BRPF3: variants seen among roughly 807,000 people sequenced by gnomAD.
BRPF3 encodes bromodomain and PHD finger containing 3, also known as bromodomain and PHD finger-containing protein 3.
A neutral mutation model predicts 102.0 loss-of-function variants in BRPF3; 18 were observed. The observed-to-expected ratio is 0.18, with a 90% CI of 0.12 to 0.26. BRPF3 has a LOEUF of 0.26. BRPF3 is among the 10% of genes least tolerant of loss of function. The pLI, the probability that BRPF3 is intolerant of heterozygous loss-of-function variation, is 1.00. For synonymous variants in BRPF3, 570 were observed against 614.2 expected (o/e 0.93, Z 1.06); for missense variants, 1,147 against 1,567.8 (o/e 0.73, Z 4.53).
intron 3 of BRPF3, among the ~76,000 whole-genome samples, chr6:36,205,551 A>C (rs1022360347): frequency 6.6e-6 from 1 of 152,142 alleles, no homozygotes; most frequent in African/African-American, 2.4e-5. Context: ...GCCTCCCCTA[A>C]AACATCAGCT....
rs990956148 is a variant in BRPF3, at chr6:36,208,925, C to T, written c.1738-862C>T. The stretch of plus-strand genomic sequence containing the variant: ...CCACTTGCGGGGGCAAGCCTGGAGG[C>T]CCTGGTGACCCCATGCTGACCCAGA... On this transcript the variant is annotated intron_variant, in intron 4 of 12. Transcript: ENST00000357641. 1.7e-4 allele frequency among the ~76,000 whole-genome samples: 26 copies of T among 152,182 alleles called. 1 individual carries two copies. Among genetic ancestry groups the T allele is most frequent in the Admixed American group, 1.4e-3 (22 of 15,286 alleles).
At chr6:36,229,526 C>T (rs906308276) in intron 12 of BRPF3, among the ~76,000 whole-genome samples, 18 of 152,182 alleles carry the variant, frequency 1.2e-4, no homozygotes, top group African/African-American at 4.3e-4. Context: ...TAGAGAGGGA[C>T]TCAGATGAGA....
chr6:36,230,597 C>T lies in BRPF3; in HGVS notation c.3606C>T (p.Ser1202=), dbSNP rs777347017. The T allele has an allele frequency of 6.2e-7, 1 of 1,612,208 alleles. No individual in the cohort carries two copies. Among genetic ancestry groups the T allele is most frequent in the East Asian group, 2.2e-5 (1 of 44,830 alleles). ...GGGGGCCCCACTCCTTCGTCACTTCCAGCTACCTGTAAGGGCAGGGCTGGG... is the reference window on the plus strand; with the variant it reads ...GGGGGCCCCACTCCTTCGTCACTTCTAGCTACCTGTAAGGGCAGGGCTGGG... ...RVRGPHSFVT[S]SYL is the part of the protein sequence containing the mutation. Residue 1202 remains serine (S), a synonymous_variant, in exon 13 of 13, where the codon TCC becomes TCT. Transcript: ENST00000357641. The surrounding 1 kb of genome is among the most constrained non-coding windows in gnomAD (Gnocchi z 5.4).
chr6:36,200,321 C>T lies in BRPF3; in HGVS notation c.-2C>T, dbSNP rs540433573. 6 of 1,611,782 alleles carry T rather than the reference C, an allele frequency of 3.7e-6. No homozygotes were observed. In the East Asian group the frequency reaches 1.3e-4, roughly 36 times the overall value. On this transcript the variant is annotated 5_prime_UTR_variant, in exon 2 of 13. Transcript: ENST00000357641. This position sits in a 1 kb window ranked among gnomAD's most constrained non-coding sequence, Gnocchi z 5.3. Reference sequence around the variant, plus strand: ...GGCCTGTCCCCTCAGTTCCCAGGTGCCATGAGGAAGCCTCGTCGGAAGTCC... The same window carrying T: ...GGCCTGTCCCCTCAGTTCCCAGGTGTCATGAGGAAGCCTCGTCGGAAGTCC...
chr6:36,201,615 G>A lies in BRPF3; in HGVS notation c.1293G>A (p.Gln431=). Residue 431 remains glutamine (Q), a synonymous_variant, in exon 2 of 13, where the codon CAG becomes CAA. Transcript: ENST00000357641. This position sits in a 1 kb window ranked among gnomAD's most constrained non-coding sequence, Gnocchi z 5.1. The part of the protein sequence containing the change: ...EEEEEVEEEE[Q]EAQGGVSGSL... ...AGGAAGAGGTGGAGGAAGAAGAGCA[G>A]GAAGCTCAAGGCGGGGTGAGTGGCT... is the stretch of plus-strand genomic sequence containing the variant. The A allele has an allele frequency of 6.2e-7, 1 of 1,614,152 alleles. No individual in the cohort carries two copies. The highest frequency in any genetic ancestry group is 8.5e-7 in the Non-Finnish European group (1 of 1,179,972).
At chr6:36,202,797 A>G (rs987882535) in intron 2 of BRPF3, among the ~76,000 whole-genome samples, 6 of 152,184 alleles carry the variant, frequency 3.9e-5, no homozygotes, top group Non-Finnish European at 8.8e-5. Context: ...ACCCTATACC[A>G]CAAGAGCTGG....
intron 1 of BRPF3, chr6:36,197,219 G>A (rs1177478932): frequency 7.1e-6 from 1 of 140,960 alleles, no homozygotes; most frequent in Non-Finnish European, 1.5e-5. Context: ...CCTGGATTCC[G>A]AGCCGCTAAG....
chr6:36,219,724 A>C (rs546860489), intron 9 of BRPF3, among the ~76,000 whole-genome samples: 1 of 152,350 alleles, frequency 6.6e-6, no homozygotes, highest in Non-Finnish European at 1.5e-5. Context: ...AAAGGCTTCA[A>C]CTGCAAGGGT....
At chr6:36,211,790 T>G (rs1022779826) in intron 7 of BRPF3, among the ~76,000 whole-genome samples, 1 of 152,228 alleles carries the variant, frequency 6.6e-6, no homozygotes, top group Non-Finnish European at 1.5e-5. Flanking sequence ...GGCTGTTATA[T>G]TGGAGTGGGC....
chr6:36,203,608 G>A, intron 2 of BRPF3, among the ~76,000 whole-genome samples: 1 of 152,228 alleles, frequency 6.6e-6, no homozygotes, highest in East Asian at 1.9e-4. Flanking sequence ...GTGGAGAGGA[G>A]CAAGGCCTAG....
Position 36,210,170 on chromosome 6 carries a change from T to G in BRPF3, c.1867-46T>G. ...AGTATTGGTGAAGGGTGTGTCTGTT[T>G]GGCTAGTAAATGGTTGTTGTAATTG... On this transcript the variant is annotated intron_variant, in intron 5 of 12. Coordinates refer to ENST00000357641, the MANE Select transcript of BRPF3 (RefSeq NM_015695.3). This position sits in a 1 kb window ranked among gnomAD's most constrained non-coding sequence, Gnocchi z 4.7. 1 of 1,600,522 alleles carries G rather than the reference T, an allele frequency of 6.2e-7. No individual in the cohort carries two copies. Among genetic ancestry groups the G allele is most frequent in the Non-Finnish European group, 8.6e-7 (1 of 1,167,854 alleles).
chr6:36,204,497 A>C, intron 2 of BRPF3, 161 bp from the exon 3 acceptor site: 1 of 739,796 alleles, frequency 1.4e-6, no homozygotes, highest in Non-Finnish European at 2.3e-6. Flanking sequence ...GCTTAACTTT[A>C]CTGTCCTTTT....
At chr6:36,227,786 G>C (rs1488510799) in intron 11 of BRPF3, among the ~76,000 whole-genome samples, 3 of 152,170 alleles carry the variant, frequency 2.0e-5, no homozygotes, top group Non-Finnish European at 4.4e-5. Flanking sequence ...CCTGGTGGGT[G>C]GGGTAAGGTG....
rs1373433164 is a variant in BRPF3, at chr6:36,230,537, C to G, written c.3546C>G (p.Ala1182=). The change falls in exon 13 of 13, where the codon GCC becomes GCG. Residue 1182 remains alanine, a synonymous_variant. Transcript: ENST00000357641. The surrounding 1 kb of genome is among the most constrained non-coding windows in gnomAD (Gnocchi z 5.4). ...GCATCCGCAAGTCAGTGCAGGTGGC[C>G]TATGACCGTGCGATGATCCACCTGA... ...KTSIRKSVQV[A]YDRAMIHLSR... is the part of the protein sequence containing the mutation. 6.2e-7 allele frequency: 1 copy of G among 1,614,088 alleles called. No homozygotes were observed. Among genetic ancestry groups the G allele is most frequent in the Non-Finnish European group, 8.5e-7 (1 of 1,180,036 alleles).
rs1292348618 is a variant in BRPF3, at chr6:36,211,512, G to C, written c.2434G>C (p.Val812Leu). Residue 812 changes from valine to leucine, a missense_variant, in exon 7 of 13, where the codon GTG (valine) becomes CTG (leucine). Around this residue, in one of 11 missense-constraint regions of BRPF3, gnomAD observed 379 missense variants for 426.3 expected, o/e 0.89. Coordinates refer to ENST00000357641, the MANE Select transcript of BRPF3 (RefSeq NM_015695.3). ...LPAGPQGDAA[V>L]LEQALQEEPE... ...AGCAGGGCCCCAGGGGGATGCAGCT[G>C]TGCTGGAGCAGGCCTTGCAGGAGGA... The C allele has an allele frequency of 1.9e-6, 3 of 1,562,656 alleles. No homozygotes were observed. The highest frequency in any genetic ancestry group is 1.2e-5 in the South Asian group (1 of 85,492).
chr6:36,214,269 G>A lies in BRPF3; in HGVS notation c.2872G>A (p.Gly958Ser). 2 of 1,613,550 alleles carry A rather than the reference G, an allele frequency of 1.2e-6. No individual in the cohort carries two copies. The highest frequency in any genetic ancestry group is 1.7e-6 in the Non-Finnish European group (2 of 1,179,956). Reference sequence around the variant, plus strand: ...GAATGGCGAGGACCATGGTGTGGCAGGCTCTCCTGCCTCTCCAGCCAGCAT... The same window carrying A: ...GAATGGCGAGGACCATGGTGTGGCAAGCTCTCCTGCCTCTCCAGCCAGCAT... ...LENGEDHGVA[G>S]SPASPASIEE... Residue 958 changes from glycine to serine, a missense_variant, in exon 8 of 13, where the codon GGC becomes AGC. Around this residue, in one of 11 missense-constraint regions of BRPF3, gnomAD observed 379 missense variants for 426.3 expected, o/e 0.89. Coordinates refer to ENST00000357641, the MANE Select transcript of BRPF3 (RefSeq NM_015695.3).
chr6:36,200,676 C>T lies in BRPF3; in HGVS notation c.354C>T (p.Ser118=), dbSNP rs1767665658. The part of the protein sequence containing the change: ...SGTSFHLPQP[S]FRMVDSGIQP... ...CTTCCTTCCACCTCCCACAGCCCAG[C>T]TTCCGTATGGTGGACTCAGGCATCC... The change falls in exon 2 of 13, where the codon AGC becomes AGT. Residue 118 remains serine, a synonymous_variant. Transcript: ENST00000357641. This position sits in a 1 kb window ranked among gnomAD's most constrained non-coding sequence, Gnocchi z 5.3. 1.2e-6 allele frequency: 2 copies of T among 1,614,072 alleles called. No homozygotes were observed. Among genetic ancestry groups the T allele is most frequent in the South Asian group, 1.1e-5 (1 of 91,086 alleles).
At position 36,201,027 on chromosome 6, in the gene BRPF3, C is replaced by T; in HGVS notation, c.705C>T (p.Cys235=). ...ATGTTATTCTCTTCTGTGACATCTG[C>T]AACCTGGCTGTACACCAGGAGTGCT... is the stretch of plus-strand genomic sequence containing the variant. ...NSNVILFCDI[C]NLAVHQECYG... is the part of the protein sequence containing the mutation. The change falls in exon 2 of 13, where the codon TGC becomes TGT. Residue 235 remains cysteine (C), a synonymous_variant. Coordinates refer to ENST00000357641, the MANE Select transcript of BRPF3 (RefSeq NM_015695.3). The surrounding 1 kb of genome is among the most constrained non-coding windows in gnomAD (Gnocchi z 5.1). 1 of 1,614,160 alleles carries T rather than the reference C, an allele frequency of 6.2e-7. No homozygotes were observed. Among genetic ancestry groups the T allele is most frequent in the Non-Finnish European group, 8.5e-7 (1 of 1,180,036 alleles).
At chr6:36,227,003 A>AC (rs1228413941) in intron 11 of BRPF3, among the ~76,000 whole-genome samples, 2 of 152,250 alleles carry the variant, frequency 1.3e-5, no homozygotes, top group African/African-American at 4.8e-5. Flanking sequence ...ATGCAAAAAA[A>AC]CTAGTCTAAA....
Sources: allele counts gnomAD v4.1 joint callset (sites outside exome capture counted in the v4.1 genomes callset), GRCh38; gene constraint gnomAD v4.1.1; regional missense constraint gnomAD v4.1.1; non-coding constraint Gnocchi (gnomAD v3.1); transcripts MANE v1.5; gene names NCBI Gene and HGNC (gene_info 2026-07-23, HGNC 2026-07-21).